The following STAP2 variants were observed in gnomAD, a reference collection of about 807,000 sequenced individuals.
The protein encoded by STAP2 is signal transducing adaptor family member 2.
A neutral mutation model predicts 52.7 loss-of-function variants in STAP2; 58 were observed. That is an observed-to-expected ratio of 1.10 (90% CI 0.89 to 1.37). STAP2 has a LOEUF of 1.37. Ranked by LOEUF, STAP2 falls within the 40% of genes most tolerant of loss-of-function variation. The pLI, the probability that STAP2 is intolerant of heterozygous loss-of-function variation, is 0.00. For synonymous variants in STAP2, 231 were observed against 210.5 expected, an observed-to-expected ratio of 1.10 and a Z score of -0.84; for missense variants, 522 against 519.4, an observed-to-expected ratio of 1.00 and a Z score of -0.05.
At chr19:4,334,119 G>A (rs1042378994) in intron 1 of STAP2, 75 bp from the exon 2 acceptor site, 12 of 1,324,480 alleles carry the variant, frequency 9.1e-6, no homozygotes, top group African/African-American at 4.4e-5. Context: ...ATCCTGTCTC[G>A]GGGCCTTTGC....
intron 9 of STAP2, among the ~76,000 whole-genome samples, chr19:4,326,063 G>A (rs1971788087): frequency 6.6e-6 from 1 of 152,178 alleles, no homozygotes. Flanking sequence ...CACCTGTGGT[G>A]TGTATACGTG....
rs557988260 is a variant in STAP2, at chr19:4,327,360, C to G, written c.616G>C (p.Val206Leu). Residue 206 changes from valine (V) to leucine (L), a missense_variant, in exon 7 of 13, where the codon GTG becomes CTG. Coordinates refer to ENST00000594605, the MANE Select transcript of STAP2 (RefSeq NM_001013841.2). ...ACGTACTTGGGGCCCTCCCGCTTCA[C>G]CTTGTAATGCCGGACCACGTGCGTC... ...NGTHVVRHYK[V>L]KREGPKYVID... 8 of 1,614,134 alleles carry G rather than the reference C, an allele frequency of 5.0e-6. No individual in the cohort carries two copies. In the South Asian group the frequency reaches 8.8e-5, roughly 18 times the overall value.
At position 4,327,449 on chromosome 19, in the gene STAP2, C is replaced by A. The variant is rs1310213740; in HGVS notation, c.591-64G>T. 6.4e-6 allele frequency: 10 copies of A among 1,568,570 alleles called. No homozygotes were observed. In the East Asian group the frequency reaches 6.8e-5, roughly 11 times the overall value. ...CTCCCACACCGCCCCTCAGGGAAGG[C>A]CCCGCCCCAACTCCAGGCTCCGCCT... On this transcript the variant is annotated intron_variant, in intron 6 of 12. Coordinates refer to ENST00000594605, the MANE Select transcript of STAP2 (RefSeq NM_001013841.2).
chr19:4,333,943 C>T (rs761299253), intron 2 of STAP2, 30 bp downstream of exon 2: 1 of 1,611,134 alleles, frequency 6.2e-7, no homozygotes, highest in Non-Finnish European at 8.5e-7. Flanking sequence ...AAGGGAAGGC[C>T]TGCTCTGGAG....
At chr19:4,334,310 C>A (rs556703774) in intron 1 of STAP2, among the ~76,000 whole-genome samples, 1 of 152,078 alleles carries the variant, frequency 6.6e-6, no homozygotes, top group African/African-American at 2.4e-5. Context: ...TCAGAGCAAC[C>A]CCCGCCAATC....
At chr19:4,325,570 C>T (rs1175567089) in intron 9 of STAP2, 25 bp from the exon 10 acceptor site, 1 of 1,551,556 alleles carries the variant, frequency 6.4e-7, no homozygotes. Context: ...TGGTCACTGT[C>T]AAGACCCATG....
chr19:4,338,352 G>A (rs912562706), intron 1 of STAP2: 22 of 208,930 alleles, frequency 1.1e-4, no homozygotes, highest in African/African-American at 1.8e-4. Context: ...GAGAGTGAAC[G>A]AGAGACAAAA....
chr19:4,327,029 G>A (rs746348636), intron 8 of STAP2, 22 bp from the exon 9 acceptor site: 1 of 1,582,876 alleles, frequency 6.3e-7, no homozygotes, highest in South Asian at 1.1e-5. Context: ...AGGGCGGCCT[G>A]GAGGAAGCGC....
chr19:4,330,273 C>T (rs546347864), intron 4 of STAP2, among the ~76,000 whole-genome samples: 1 of 152,190 alleles, frequency 6.6e-6, no homozygotes, highest in Non-Finnish European at 1.5e-5. Flanking sequence ...GTAATCCCAG[C>T]ACTTTGGGAG....
In STAP2 at chr19:4,324,506, A is replaced by T; in HGVS notation, c.1096T>A (p.Leu366Met). 6.4e-7 allele frequency: 1 copy of T among 1,573,376 alleles called. No individual in the cohort carries two copies. The highest frequency in any genetic ancestry group is 8.6e-7 in the Non-Finnish European group (1 of 1,157,516). The change falls in exon 12 of 13, where the codon TTG (leucine) becomes ATG (methionine). Residue 366 changes from leucine (L) to methionine (M), a missense_variant. Coordinates refer to ENST00000594605, the MANE Select transcript of STAP2 (RefSeq NM_001013841.2). ...KPEPKVFNGG[L>M]GRKLPVSSAQ... is the part of the protein sequence containing the mutation. ...GAACTGACTGGCAGCTTCCTGCCCA[A>T]GCCACCATTAAAGACTTTGGGCTCT...
rs771041723 is a variant in STAP2 at position 4,327,194 on chromosome 19, GT to G, written c.692del (p.Asn231ThrfsTer16). On this transcript the variant is annotated frameshift_variant, in exon 8 of 13. Transcript: ENST00000594605. LOFTEE classifies it high-confidence loss of function. ...FSCTSLDAVV[N>X]YFVSHTKKAL... ...CCTTTTTGGTATGCGACACGAAATA[GT>G]TGACCACGGCGTCCAGGGAGGTGCA... The G allele has an allele frequency of 2.5e-6, 4 of 1,614,036 alleles. No homozygotes were observed. In the African/African-American group the frequency reaches 5.3e-5, roughly 22 times the overall value.
At position 4,338,730 on chromosome 19, in the gene STAP2, G is replaced by T. The variant is rs1208614701; in HGVS notation, c.24C>A (p.Pro8=). Residue 8 remains proline, a synonymous_variant, in exon 1 of 13, where the codon CCC becomes CCA. Transcript: ENST00000594605. The part of the protein sequence containing the change: MASALRP[P]RVPKPKGVLP... ...GGACACCCTTAGGCTTGGGGACACGGGGTGGCCTCAGGGCAGAGGCCATGA... is the reference window on the plus strand; with the variant it reads ...GGACACCCTTAGGCTTGGGGACACGTGGTGGCCTCAGGGCAGAGGCCATGA... 6.2e-7 allele frequency: 1 copy of T among 1,613,460 alleles called. No individual in the cohort carries two copies. The highest frequency in any genetic ancestry group is 8.5e-7 in the Non-Finnish European group (1 of 1,179,734).
intron 4 of STAP2, 83 bp from the exon 5 acceptor site, chr19:4,330,144 A>G (rs895879267): frequency 8.5e-6 from 9 of 1,061,044 alleles, no homozygotes; most frequent in Admixed American, 7.2e-5. Context: ...TGGCAAATTG[A>G]GGCCAGAGCT....
intron 9 of STAP2, 104 bp downstream of exon 9, chr19:4,326,838 A>G: frequency 7.2e-7 from 1 of 1,393,992 alleles, no homozygotes. Flanking sequence ...CAACTTTGGG[A>G]ACATCAGATG....
chr19:4,331,905 C>T (rs538890729), intron 4 of STAP2, 117 bp downstream of exon 4: 38 of 1,083,052 alleles, frequency 3.5e-5, no homozygotes, highest in Non-Finnish European at 4.8e-5. Flanking sequence ...GCACTCCAGC[C>T]TGGGCGACAG....
intron 4 of STAP2, among the ~76,000 whole-genome samples, chr19:4,331,502 C>G (rs925172557): frequency 6.6e-6 from 1 of 150,886 alleles, no homozygotes; most frequent in Admixed American, 6.6e-5. Context: ...TGGTGGCGGA[C>G]GCCTGTAATC....
chr19:4,332,371 C>CTT (rs879421259), intron 3 of STAP2, among the ~76,000 whole-genome samples: 1 of 143,964 alleles, frequency 6.9e-6, no homozygotes, highest in Admixed American at 7.0e-5. Context: ...CCTCGCCCAG[C>CTT]TTTTTTTTTT....
chr19:4,326,735 GTGTC>G (rs1381957011), intron 9 of STAP2, among the ~76,000 whole-genome samples: 1 of 152,064 alleles, frequency 6.6e-6, no homozygotes, highest in Non-Finnish European at 1.5e-5. Context: ...CAGGATGAGA[GTGTC>G]TGTGTTTAGC....
At chr19:4,333,896 C>CCA in intron 2 of STAP2, 77 bp downstream of exon 2, 1 of 1,612,350 alleles carries the variant, frequency 6.2e-7, no homozygotes, top group Non-Finnish European at 8.5e-7. Flanking sequence ...GCCACCTTGA[C>CCA]CACACCATCT....
Sources: gnomAD v4.1 joint callset for allele counts (sites outside exome capture counted in the v4.1 genomes callset) on GRCh38, gnomAD v4.1.1 for gene constraint, MANE v1.5 for transcripts, NCBI Gene and HGNC (gene_info 2026-07-23, HGNC 2026-07-21) for gene names.